DDX31: variants seen among roughly 807,000 people sequenced by gnomAD.
DDX31 encodes the protein ATP-dependent DNA helicase DDX31.
Under a neutral mutation model 91.3 loss-of-function variants are expected in DDX31, and 70 were observed. The observed-to-expected ratio is 0.77, with a 90% confidence interval of 0.63 to 0.94. The LOEUF (loss-of-function observed/expected upper bound fraction) is 0.94, where lower values mean the gene tolerates loss of function less well. DDX31 is among the 40% of genes least tolerant of loss of function. The pLI, the probability that DDX31 is intolerant of heterozygous loss-of-function variation, is 0.00. For synonymous variants in DDX31, 362 were observed against 350.6 expected (o/e 1.03, Z -0.36); for missense variants, 902 against 925.0 (o/e 0.98, Z 0.32).
chr9:132,655,684 A>C (rs1335768034), intron 6 of DDX31, among the ~76,000 whole-genome samples: 1 of 152,230 alleles, frequency 6.6e-6, no homozygotes, highest in South Asian at 2.1e-4. Flanking sequence ...TAAAAAAAAC[A>C]GAAGAAACCA....
chr9:132,659,800 G>A lies in DDX31; in HGVS notation c.453-20C>T. 1.2e-6 allele frequency: 2 copies of A among 1,610,536 alleles called. No homozygotes were observed. The highest frequency in any genetic ancestry group is 8.5e-7 in the Non-Finnish European group (1 of 1,178,042). On this transcript the variant is annotated intron_variant, in intron 4 of 19. Transcript: ENST00000372159. ...TGAACACTGGGCCACCCGAAAAAAA[G>A]AACACACTTTACCTATATTACCCAG...
intron 18 of DDX31, among the ~76,000 whole-genome samples, chr9:132,617,444 G>C (rs1831712559): frequency 6.6e-6 from 1 of 151,800 alleles, no homozygotes; most frequent in African/African-American, 2.4e-5. Flanking sequence ...AAGGATTTTT[G>C]TTTTGATCTC....
At chr9:132,665,456 G>C (rs1835246150) in intron 1 of DDX31, among the ~76,000 whole-genome samples, 1 of 152,104 alleles carries the variant, frequency 6.6e-6, no homozygotes, top group Non-Finnish European at 1.5e-5. Flanking sequence ...ACATAAAAAA[G>C]GCTATGAGAG....
chr9:132,662,491 T>A lies in DDX31; in HGVS notation c.280A>T (p.Ile94Phe). 1 of 1,614,234 alleles carries A rather than the reference T, an allele frequency of 6.2e-7. No individual in the cohort carries two copies. The change falls in exon 2 of 20, where the codon ATT becomes TTT. Residue 94 changes from isoleucine (I) to phenylalanine (F), a missense_variant. By Grantham distance (21) the Ile-to-Phe change is conservative (BLOSUM62 0). Coordinates refer to ENST00000372159, the MANE Select transcript of DDX31 (RefSeq NM_022779.9). ...TTTTTAAACAGTGATGAAGTCTTAA[T>A]GCACTGTCTCTCCTCCTGGTTTCTA... Reference protein sequence around the residue: ...SDRNQEERQCIKTSSLFKNNP... With the variant: ...SDRNQEERQCFKTSSLFKNNP...
chr9:132,659,844 G>T, intron 4 of DDX31, 64 bp from the exon 5 acceptor site: 1 of 1,530,750 alleles, frequency 6.5e-7, no homozygotes, highest in Non-Finnish European at 8.9e-7. Context: ...AGAGACGCAG[G>T]ATACATAAAA....
Position 132,646,809 on chromosome 9 carries a change from G to C in DDX31, c.1203+14C>G. On this transcript the variant is annotated intron_variant, in intron 12 of 19. Transcript: ENST00000372159. ...TCTTCCCTGAATCAAGTCGGCTCTA[G>C]CCCACAGTCCCACCTTGCATTTCTG... is the stretch of plus-strand genomic sequence containing the variant. The C allele has an allele frequency of 6.2e-7, 1 of 1,612,758 alleles. No homozygotes were observed. Among genetic ancestry groups the C allele is most frequent in the Non-Finnish European group, 8.5e-7 (1 of 1,179,184 alleles).
chr9:132,649,906 T>C (rs1032341444), intron 9 of DDX31, among the ~76,000 whole-genome samples: 1 of 152,088 alleles, frequency 6.6e-6, no homozygotes, highest in Non-Finnish European at 1.5e-5. Flanking sequence ...AACCCCAAAC[T>C]CTTAATGTCC....
At chr9:132,661,599 G>A (rs1224963136) in intron 3 of DDX31, among the ~76,000 whole-genome samples, 2 of 152,162 alleles carry the variant, frequency 1.3e-5, no homozygotes, top group Non-Finnish European at 2.9e-5. Flanking sequence ...CACCAAGGCT[G>A]AGAAACCCTG....
intron 14 of DDX31, among the ~76,000 whole-genome samples, chr9:132,641,261 C>T (rs765715690): frequency 6.6e-6 from 1 of 152,208 alleles, no homozygotes; most frequent in African/African-American, 2.4e-5. Flanking sequence ...TTCTACCCAG[C>T]ACTTGTTCAC....
At chr9:132,646,788 C>T in intron 12 of DDX31, 35 bp downstream of exon 12, 4 of 1,603,378 alleles carry the variant, frequency 2.5e-6, no homozygotes, top group East Asian at 2.2e-5. Flanking sequence ...GGCCTTTCTT[C>T]CCTGAATCAA....
At chr9:132,612,407 A>T (rs1422433524) in intron 18 of DDX31, 152 bp from the exon 19 acceptor site, 13 of 813,086 alleles carry the variant, frequency 1.6e-5, no homozygotes, top group Non-Finnish European at 1.9e-6. Context: ...ACTAAAATCT[A>T]GACTTCTGTG....
At position 132,669,956 on chromosome 9, in the gene DDX31, G is replaced by C; in HGVS notation, c.-22C>G. On this transcript the variant is annotated 5_prime_UTR_variant, in exon 1 of 20. Transcript: ENST00000372159. Reference sequence around the variant, plus strand: ...CCATGGTCTGCGTGGGTGACGCGTGGTGCAGCAGCGAGCCCGGTGCGCAGA... The same window carrying C: ...CCATGGTCTGCGTGGGTGACGCGTGCTGCAGCAGCGAGCCCGGTGCGCAGA... 1 of 1,583,362 alleles carries C rather than the reference G, an allele frequency of 6.3e-7. No homozygotes were observed. Among genetic ancestry groups the C allele is most frequent in the Admixed American group, 1.8e-5 (1 of 55,940 alleles).
chr9:132,638,965 G>A (rs1201814395), intron 14 of DDX31, among the ~76,000 whole-genome samples: 1 of 152,278 alleles, frequency 6.6e-6, no homozygotes, highest in African/African-American at 2.4e-5. Context: ...AAATCCCCAT[G>A]TAACGATTAA....
At chr9:132,608,399 CTATT>C (rs1230324114) in intron 19 of DDX31, among the ~76,000 whole-genome samples, 2 of 152,120 alleles carry the variant, frequency 1.3e-5, no homozygotes, top group Non-Finnish European at 2.9e-5. Context: ...GGGCCACGAA[CTATT>C]TATTTTTCTT....
intron 19 of DDX31, among the ~76,000 whole-genome samples, chr9:132,596,860 G>A (rs1021119991): frequency 6.6e-6 from 1 of 152,150 alleles, no homozygotes; most frequent in East Asian, 1.9e-4. Flanking sequence ...GAGTGGTGAG[G>A]GGAGACAGCA....
intron 19 of DDX31, among the ~76,000 whole-genome samples, chr9:132,604,416 A>G (rs1345829830): frequency 6.6e-6 from 1 of 152,170 alleles, no homozygotes; most frequent in East Asian, 1.9e-4. Context: ...CCATGAGAGC[A>G]TGTTCTTGGC....
At chr9:132,608,749 G>A (rs1438323927) in intron 19 of DDX31, among the ~76,000 whole-genome samples, 2 of 152,160 alleles carry the variant, frequency 1.3e-5, no homozygotes, top group South Asian at 2.1e-4. Context: ...CTTGACAGAC[G>A]GATTTCAGAG....
chr9:132,647,527 A>G (rs1244962928), intron 11 of DDX31, among the ~76,000 whole-genome samples: 1 of 152,150 alleles, frequency 6.6e-6, no homozygotes, highest in Non-Finnish European at 1.5e-5. Context: ...CATCCCTCAA[A>G]AATTAGAACA....
intron 18 of DDX31, among the ~76,000 whole-genome samples, chr9:132,612,923 T>G (rs987007570): frequency 6.6e-5 from 10 of 152,208 alleles, no homozygotes; most frequent in Non-Finnish European, 1.3e-4. Context: ...AATTTAAAAT[T>G]TTTTAAAGAG....
Sources: gnomAD v4.1 joint callset for allele counts (sites outside exome capture counted in the v4.1 genomes callset) on GRCh38, gnomAD v4.1.1 for gene constraint, MANE v1.5 for transcripts, NCBI Gene and HGNC (gene_info 2026-07-23, HGNC 2026-07-21) for gene names.